PTPRK: variants seen among roughly 807,000 people sequenced by gnomAD.
The protein encoded by PTPRK is protein tyrosine phosphatase receptor type K, also known as receptor-type tyrosine-protein phosphatase kappa.
In PTPRK, 75 loss-of-function variants were observed where a neutral mutation model predicts 178.0. The ratio of observed to expected loss-of-function variants is 0.42; its 90% CI spans 0.35 to 0.51. PTPRK has a LOEUF of 0.51. PTPRK is among the 20% of genes least tolerant of loss of function. The pLI is 0.02. For synonymous variants in PTPRK, 637 were observed against 620.6 expected (o/e 1.03, Z -0.39); for missense variants, 1,441 against 1,797.8 (o/e 0.80, Z 3.59).
chr6:127,981,181 A>G lies in PTPRK; in HGVS notation c.3646T>C (p.Cys1216Arg). The G allele has an allele frequency of 1.9e-6, 3 of 1,613,974 alleles. No homozygotes were observed. In the South Asian group the frequency reaches 3.3e-5, roughly 18 times the overall value. ...TCAATTGTAATTAAAAAAGGCAGAC[A>G]TCTGTCAGGTGGCAGCATGTCCATG... is the stretch of plus-strand genomic sequence containing the variant. ...RFMDMLPPDR[C>R]LPFLITIDGE... Residue 1216 changes from cysteine (C) to arginine (R), a missense_variant, in exon 25 of 30, where the codon TGT (cysteine) becomes CGT (arginine). This residue lies in a region of PTPRK where 335 missense variants were observed against 512.4 expected (regional missense o/e 0.65). Coordinates refer to ENST00000368226, the MANE Select transcript of PTPRK (RefSeq NM_002844.4).
intron 3 of PTPRK, among the ~76,000 whole-genome samples, chr6:128,301,804 GA>G (rs959894201): frequency 2.6e-5 from 4 of 152,052 alleles, no homozygotes; most frequent in Admixed American, 2.6e-4. Context: ...TTGATAACTA[GA>G]CTGCCTTTCT....
At chr6:128,458,456 A>G (rs1352059303) in intron 1 of PTPRK, among the ~76,000 whole-genome samples, 2 of 152,214 alleles carry the variant, frequency 1.3e-5, no homozygotes, top group African/African-American at 4.8e-5. Flanking sequence ...TTTAAAATAT[A>G]CTCTAAGAAG....
At chr6:128,509,192 G>A (rs373255636) in intron 1 of PTPRK, among the ~76,000 whole-genome samples, 217 of 152,200 alleles carry the variant, frequency 1.4e-3, no homozygotes, top group Middle Eastern at 3.4e-3. Flanking sequence ...TTAAGGGTGG[G>A]TTCCATACGA....
chr6:128,150,146 T>C (rs953434156), intron 7 of PTPRK, among the ~76,000 whole-genome samples: 1 of 152,136 alleles, frequency 6.6e-6, no homozygotes, highest in Admixed American at 6.6e-5. Context: ...TGATTTTAGC[T>C]ACAATCAATA....
intron 7 of PTPRK, among the ~76,000 whole-genome samples, chr6:128,183,882 G>A (rs1802331361): frequency 6.6e-6 from 1 of 152,148 alleles, no homozygotes; most frequent in East Asian, 1.9e-4. Flanking sequence ...AAGGCTTAAA[G>A]TGTAAGGAAA....
At position 128,119,579 on chromosome 6, in the gene PTPRK, G is replaced by A. The variant is rs180763231; in HGVS notation, c.1163-29587C>T. Among the ~76,000 whole-genome samples the A allele has an allele frequency of 2.2e-4, 33 of 152,074 alleles. 1 individual carries two copies. Among genetic ancestry groups the A allele is most frequent in the African/African-American group, 7.7e-4 (32 of 41,540 alleles). ...TTATTTCCAGGAATAAGCTACAGTT[G>A]TCTCTGATAAAATAATAGCTAAAAA... On this transcript the variant is annotated intron_variant, in intron 7 of 29. Transcript: ENST00000368226.
intron 2 of PTPRK, among the ~76,000 whole-genome samples, chr6:128,372,390 C>A (rs1836422778): frequency 6.6e-6 from 1 of 152,150 alleles, no homozygotes; most frequent in African/African-American, 2.4e-5. Context: ...TAATTAAAAT[C>A]ATGTTCACCA....
At chr6:128,265,227 G>A (rs954833957) in intron 3 of PTPRK, among the ~76,000 whole-genome samples, 5 of 152,064 alleles carry the variant, frequency 3.3e-5, no homozygotes, top group South Asian at 2.1e-4. Context: ...GTCCTACTCC[G>A]TATATCATCA....
intron 27 of PTPRK, 80 bp from the exon 28 acceptor site, chr6:127,973,907 A>G: frequency 1.5e-6 from 2 of 1,371,324 alleles, no homozygotes; most frequent in East Asian, 4.8e-5. Context: ...ATAATTTACA[A>G]TACAAATGGC....
At chr6:128,158,652 T>C (rs1012227941) in intron 7 of PTPRK, among the ~76,000 whole-genome samples, 19 of 152,028 alleles carry the variant, frequency 1.2e-4, no homozygotes, top group Admixed American at 9.8e-4. Context: ...AAACTTCTGG[T>C]TTCTGTTTCC....
intron 7 of PTPRK, among the ~76,000 whole-genome samples, chr6:128,100,430 T>A (rs1018680405): frequency 2.0e-5 from 3 of 152,026 alleles, no homozygotes; most frequent in Non-Finnish European, 2.9e-5. Flanking sequence ...ATTCTCACTT[T>A]AAAAGCTTTC....
intron 3 of PTPRK, among the ~76,000 whole-genome samples, chr6:128,311,916 T>A (rs1315049392): frequency 6.6e-6 from 1 of 152,120 alleles, no homozygotes; most frequent in African/African-American, 2.4e-5. Context: ...AAAAACAGGT[T>A]AACAAGAGAA....
intron 7 of PTPRK, among the ~76,000 whole-genome samples, chr6:128,134,999 G>A (rs1794802737): frequency 6.6e-6 from 1 of 151,538 alleles, no homozygotes; most frequent in African/African-American, 2.4e-5. Flanking sequence ...ACTATTGCAA[G>A]AATTTCCGGC....
At chr6:128,455,726 G>A (rs139993751) in intron 1 of PTPRK, among the ~76,000 whole-genome samples, 4 of 152,214 alleles carry the variant, frequency 2.6e-5, no homozygotes, top group African/African-American at 9.6e-5. Context: ...AATATTTAAT[G>A]GGAGGGTGAA....
At chr6:128,390,808 G>C (rs938575760) in intron 2 of PTPRK, among the ~76,000 whole-genome samples, 4 of 152,162 alleles carry the variant, frequency 2.6e-5, no homozygotes, top group Admixed American at 2.0e-4. Flanking sequence ...GTGAAGATTA[G>C]AAGATACATG....
intron 1 of PTPRK, among the ~76,000 whole-genome samples, chr6:128,434,910 A>G (rs572279788): frequency 3.3e-5 from 5 of 152,196 alleles, no homozygotes; most frequent in African/African-American, 1.2e-4. Flanking sequence ...TGTAGTCCCC[A>G]CCACTCAGGA....
chr6:128,437,368 C>G (rs910977355), intron 1 of PTPRK, among the ~76,000 whole-genome samples: 1 of 152,192 alleles, frequency 6.6e-6, no homozygotes, highest in African/African-American at 2.4e-5. Flanking sequence ...TTTGAAATGG[C>G]GGTGTGCCTC....
intron 13 of PTPRK, among the ~76,000 whole-genome samples, chr6:128,035,305 G>T (rs1776027654): frequency 6.6e-6 from 1 of 152,150 alleles, no homozygotes; most frequent in Non-Finnish European, 1.5e-5. Context: ...GGCAGAGGTT[G>T]CAGTGAGCTG....
chr6:128,281,300 T>C (rs1280902872), intron 3 of PTPRK, among the ~76,000 whole-genome samples: 3 of 152,186 alleles, frequency 2.0e-5, no homozygotes, highest in Admixed American at 2.0e-4. Context: ...CTTTAGGGTC[T>C]AATGGTAAAG....
Sources: gnomAD v4.1 joint callset for allele counts (sites outside exome capture counted in the v4.1 genomes callset) on GRCh38, gnomAD v4.1.1 for gene constraint, gnomAD v4.1.1 regional missense constraint, MANE v1.5 for transcripts, NCBI Gene and HGNC (gene_info 2026-07-23, HGNC 2026-07-21) for gene names.